The following ZC3H15 variants were observed in gnomAD, a reference collection of about 807,000 sequenced individuals.
ZC3H15 encodes the protein zinc finger CCCH-type containing 15, also known as zinc finger CCCH domain-containing protein 15.
A neutral mutation model predicts 51.2 loss-of-function variants in ZC3H15; 15 were observed. The observed-to-expected ratio is 0.29, with a 90% CI of 0.20 to 0.45. The LOEUF is 0.45. ZC3H15 is among the 20% of genes least tolerant of loss of function. The probability of loss-of-function intolerance (pLI) is 1.00; values close to 1 mark genes in which losing one functional copy is unlikely to be tolerated. For synonymous variants in ZC3H15, 144 were observed against 162.8 expected (o/e 0.88, Z 0.88); for missense variants, 381 against 494.7 (o/e 0.77, Z 2.18).
chr2:186,508,507 C>G, intron 9 of ZC3H15, 36 bp from the exon 10 acceptor site: 1 of 1,591,284 alleles, frequency 6.3e-7, no homozygotes, highest in East Asian at 2.2e-5. Flanking sequence ...GTGTTTTCTG[C>G]TTCTACGCCT....
chr2:186,492,562 G>C (rs1685217074), intron 1 of ZC3H15, among the ~76,000 whole-genome samples: 1 of 152,180 alleles, frequency 6.6e-6, no homozygotes, highest in Non-Finnish European at 1.5e-5. Context: ...TAGATGTCAT[G>C]AATAAAGAGA....
In ZC3H15 at chr2:186,508,570, G is replaced by T; in HGVS notation, c.1118G>T (p.Gly373Val). Residue 373 changes from glycine to valine, a missense_variant, in exon 10 of 10, where the codon GGT (glycine) becomes GTT (valine). Gly to Val is a moderately radical substitution (Grantham distance 109, BLOSUM62 -3). Coordinates refer to ENST00000337859, the MANE Select transcript of ZC3H15 (RefSeq NM_018471.3). ...DENKLSEASG[G>V]RAENGERSDL... ...AACAAATTAAGTGAAGCTTCTGGAG[G>T]TAGGGCTGAAAATGGTGAAAGAAGT... The T allele has an allele frequency of 2.5e-6, 4 of 1,613,978 alleles. No individual in the cohort carries two copies. The highest frequency in any genetic ancestry group is 3.4e-6 in the Non-Finnish European group (4 of 1,179,956).
At chr2:186,496,362 C>T (rs1301393879) in intron 2 of ZC3H15, among the ~76,000 whole-genome samples, 2 of 152,284 alleles carry the variant, frequency 1.3e-5, no homozygotes, top group East Asian at 3.9e-4. Flanking sequence ...GGACTACAGG[C>T]GCATGACACC....
rs1325329904 is a variant in ZC3H15 at position 186,486,423 on chromosome 2, A to G, written c.41A>G (p.Lys14Arg). ...CAGGCTCAGGCCGGGGGCAGCAAAA[A>G]GGCGGAGCAAAAAAAGAAGGAGAAG... ...KKQAQAGGSK[K>R]AEQKKKEKII... The change falls in exon 1 of 10, where the codon AAG (lysine) becomes AGG (arginine). Residue 14 changes from lysine (K) to arginine (R), a missense_variant. Physicochemically the swap from Lys to Arg is conservative, Grantham distance 26. Coordinates refer to ENST00000337859, the MANE Select transcript of ZC3H15 (RefSeq NM_018471.3). 22 of 1,564,058 alleles carry G rather than the reference A, an allele frequency of 1.4e-5. No individual in the cohort carries two copies. Among genetic ancestry groups the G allele is most frequent in the Non-Finnish European group, 1.9e-5 (22 of 1,152,548 alleles).
chr2:186,508,666 A>C lies in ZC3H15; in HGVS notation c.1214A>C (p.Asn405Thr), dbSNP rs1336783024. The C allele has an allele frequency of 3.7e-6, 6 of 1,613,986 alleles. No homozygotes were observed. The highest frequency in any genetic ancestry group is 2.7e-5 in the African/African-American group (2 of 74,916). ...ATTGATGCTGTTCCTGTTGATGAAA[A>C]TCTTTTCACTGGAGAGGATTTGGAT... ...GAIDAVPVDE[N>T]LFTGEDLDEL... Residue 405 changes from asparagine (N) to threonine (T), a missense_variant, in exon 10 of 10, where the codon AAT becomes ACT. Physicochemically the swap from Asn to Thr is moderately conservative, Grantham distance 65. Around this residue, in one of 3 missense-constraint regions of ZC3H15, gnomAD observed 215 missense variants for 241.8 expected, o/e 0.89. Coordinates refer to ENST00000337859, the MANE Select transcript of ZC3H15 (RefSeq NM_018471.3).
chr2:186,506,858 T>G (rs1229201952), intron 9 of ZC3H15, 22 bp downstream of exon 9: 3 of 1,602,740 alleles, frequency 1.9e-6, no homozygotes, highest in East Asian at 2.2e-5. Context: ...AACTTTTGCC[T>G]AATTTTAAGA....
intron 1 of ZC3H15, among the ~76,000 whole-genome samples, chr2:186,492,222 C>T (rs987004041): frequency 6.6e-6 from 1 of 152,110 alleles, no homozygotes; most frequent in Non-Finnish European, 1.5e-5. Context: ...TCTAGAGCCT[C>T]CTCTCCCTCC....
At position 186,486,321 on chromosome 2, in the gene ZC3H15, G is replaced by C; in HGVS notation, c.-62G>C. On this transcript the variant is annotated 5_prime_UTR_variant, in exon 1 of 10. Coordinates refer to ENST00000337859, the MANE Select transcript of ZC3H15 (RefSeq NM_018471.3). The stretch of plus-strand genomic sequence containing the variant: ...GGTCTTCCTCCTCGTCCTGCCGCAG[G>C]GCCAGAACCCCTGACGGTATTCAGC... 6.9e-7 allele frequency: 1 copy of C among 1,449,840 alleles called. No individual in the cohort carries two copies. Among genetic ancestry groups the C allele is most frequent in the East Asian group, 2.7e-5 (1 of 37,380 alleles). 89.8% of individuals were successfully genotyped at this position (1,449,840 alleles called of 1,614,324 possible).
chr2:186,492,892 C>T (rs530781799), intron 1 of ZC3H15, among the ~76,000 whole-genome samples: 1 of 152,010 alleles, frequency 6.6e-6, no homozygotes, highest in Non-Finnish European at 1.5e-5. Flanking sequence ...TTGAGAAGAC[C>T]TTTTTGCCTC....
intron 1 of ZC3H15, among the ~76,000 whole-genome samples, chr2:186,493,863 G>A (rs962106587): frequency 1.4e-5 from 2 of 147,954 alleles, no homozygotes; most frequent in East Asian, 2.0e-4. Flanking sequence ...TGGATCTAGG[G>A]CCTACCTTAA....
intron 9 of ZC3H15, among the ~76,000 whole-genome samples, chr2:186,507,980 G>C (rs749215629): frequency 1.1e-4 from 17 of 152,182 alleles, no homozygotes; most frequent in Admixed American, 3.3e-4. Context: ...CAATGGCATT[G>C]AACAAGAAAA....
chr2:186,492,167 T>C (rs1173888462), intron 1 of ZC3H15, among the ~76,000 whole-genome samples: 1 of 152,222 alleles, frequency 6.6e-6, no homozygotes, highest in Admixed American at 6.5e-5. Context: ...TTATTTTCTC[T>C]GGCAGAGCAC....
Position 186,501,395 on chromosome 2 carries a change from A to G in ZC3H15, c.412A>G (p.Ile138Val). 2.5e-6 allele frequency: 4 copies of G among 1,612,486 alleles called. No homozygotes were observed. The highest frequency in any genetic ancestry group is 2.2e-5 in the South Asian group (2 of 90,720). Reference sequence around the variant, plus strand: ...AAAATGTGAAAAGCGAAGTGTTTACATTGATGCAAGAGATGAAGAACTTGA... The same window carrying G: ...AAAATGTGAAAAGCGAAGTGTTTACGTTGATGCAAGAGATGAAGAACTTGA... ...ERKCEKRSVYIDARDEELEKD... is the reference protein window; with the variant it reads ...ERKCEKRSVYVDARDEELEKD... The change falls in exon 4 of 10, where the codon ATT becomes GTT. Residue 138 changes from isoleucine (I) to valine (V), a missense_variant. Coordinates refer to ENST00000337859, the MANE Select transcript of ZC3H15 (RefSeq NM_018471.3).
chr2:186,496,794 A>T (rs1469762757), intron 2 of ZC3H15, among the ~76,000 whole-genome samples: 2 of 152,222 alleles, frequency 1.3e-5, no homozygotes, highest in African/African-American at 2.4e-5. Flanking sequence ...GTTGTAACAC[A>T]TTAGTAATGA....
chr2:186,496,568 T>C (rs1685285600), intron 2 of ZC3H15, among the ~76,000 whole-genome samples: 1 of 152,248 alleles, frequency 6.6e-6, no homozygotes, highest in Non-Finnish European at 1.5e-5. Context: ...GAAATACCAC[T>C]ATTATCCTAC....
chr2:186,505,677 T>C, intron 7 of ZC3H15, 63 bp from the exon 8 acceptor site: 1 of 1,604,950 alleles, frequency 6.2e-7, no homozygotes, highest in South Asian at 1.1e-5. Flanking sequence ...TGTTTCTATT[T>C]CATCAGTGAC....
chr2:186,489,712 C>G lies in ZC3H15; in HGVS notation c.75+3255C>G, dbSNP rs77801036. ...CTATGGACCTTCACTGTGGAAAAATCAACATGCAGGTTTTGGGAACTCTAA... is the reference window on the plus strand; with the variant it reads ...CTATGGACCTTCACTGTGGAAAAATGAACATGCAGGTTTTGGGAACTCTAA... On this transcript the variant is annotated intron_variant, in intron 1 of 9. Coordinates refer to ENST00000337859, the MANE Select transcript of ZC3H15 (RefSeq NM_018471.3). Among the ~76,000 whole-genome samples the G allele has an allele frequency of 1.4e-3, 208 of 152,260 alleles. 2 individuals carry two copies. The East Asian group carries it at 0.034, about 25-fold the overall frequency.
chr2:186,495,259 GA>G lies in ZC3H15; in HGVS notation c.105del (p.Gly36GlufsTer25). The G allele has an allele frequency of 6.4e-7, 1 of 1,550,598 alleles. No individual in the cohort carries two copies. The highest frequency in any genetic ancestry group is 8.7e-7 in the Non-Finnish European group (1 of 1,154,306). ...EDKTFGLKNK[K>X]GAKQQKFIKA... ...ACAAAACTTTCGGTTTGAAGAATAA[GA>G]AAGGAGCAAAGCAACAGAAGTTTAT... On this transcript the variant is annotated frameshift_variant, in exon 2 of 10. Coordinates refer to ENST00000337859, the MANE Select transcript of ZC3H15 (RefSeq NM_018471.3). LOFTEE classifies it high-confidence loss of function.
chr2:186,501,550 G>T lies in ZC3H15; in HGVS notation c.442+125G>T, dbSNP rs1214318034. 1.0e-5 allele frequency: 8 copies of T among 800,492 alleles called. No homozygotes were observed. In the South Asian group the frequency reaches 1.1e-4, roughly 11 times the overall value. The allele number at this position is 800,492 out of a possible 1,614,324, so 49.6% of individuals were successfully genotyped here. A position where few individuals can be genotyped will look rare whatever the true frequency, so the allele number is the denominator to read the frequency against. ...ACTGTTTATAAAAAATAATTAATTGGGTTTATTATTTTTTATAAAATCTGA... is the reference window on the plus strand; with the variant it reads ...ACTGTTTATAAAAAATAATTAATTGTGTTTATTATTTTTTATAAAATCTGA... On this transcript the variant is annotated intron_variant, in intron 4 of 9. Coordinates refer to ENST00000337859, the MANE Select transcript of ZC3H15 (RefSeq NM_018471.3).
Sources: gnomAD v4.1 joint callset for allele counts (sites outside exome capture counted in the v4.1 genomes callset) on GRCh38, gnomAD v4.1.1 for gene constraint, gnomAD v4.1.1 regional missense constraint, MANE v1.5 for transcripts, NCBI Gene and HGNC (gene_info 2026-07-23, HGNC 2026-07-21) for gene names.